Variants in PPP1R36 observed in about 807,000 individuals in gnomAD.
PPP1R36 encodes chromosome 14 open reading frame 50.
PPP1R36 carries 47 observed loss-of-function variants against 53.4 expected under a neutral mutation model. The observed-to-expected ratio is 0.88, with a 90% confidence interval of 0.70 to 1.12. The LOEUF is 1.12. Ranked by LOEUF, PPP1R36 falls within the 50% of genes most tolerant of loss-of-function variation. The pLI is 0.00. For synonymous variants in PPP1R36, 153 were observed against 170.5 expected, an observed-to-expected ratio of 0.90 and a Z score of 0.80; for missense variants, 456 against 513.9, an observed-to-expected ratio of 0.89 and a Z score of 1.09.
chr14:64,587,042 A>G (rs1178860264), intron 9 of PPP1R36, 152 bp from the exon 10 acceptor site: 4 of 799,894 alleles, frequency 5.0e-6, no homozygotes, highest in Non-Finnish European at 7.9e-6. Flanking sequence ...TCCTCATGCA[A>G]AAGTGAGTAT....
intron 8 of PPP1R36, among the ~76,000 whole-genome samples, chr14:64,578,005 G>A (rs189045794): frequency 1.5e-4 from 22 of 146,114 alleles, no homozygotes; most frequent in African/African-American, 2.5e-4. Context: ...GATTACAGGC[G>A]TGAACCACTG....
At chr14:64,553,823 T>TA (rs11441855) in intron 3 of PPP1R36, among the ~76,000 whole-genome samples, 20,631 of 82,474 alleles carry the variant, frequency 0.25, 1,818 homozygotes, top group African/African-American at 0.34. Flanking sequence ...AAGTTATAAC[T>TA]AAAAAAAAAA....
At position 64,552,847 on chromosome 14, in the gene PPP1R36, G is replaced by A; in HGVS notation, c.168G>A (p.Leu56=). ...FAAEDSVQWL[L]KHHPHFTPAA... ...CAGAAGATTCTGTCCAGTGGCTCCT[G>A]AAACATCACCCTCAGTGAGTGTGAG... The change falls in exon 3 of 12, where the codon CTG becomes CTA. Residue 56 remains leucine, a synonymous_variant. Transcript: ENST00000298705. The A allele has an allele frequency of 6.2e-7, 1 of 1,613,786 alleles. No individual in the cohort carries two copies. The highest frequency in any genetic ancestry group is 8.5e-7 in the Non-Finnish European group (1 of 1,179,710).
Position 64,568,452 on chromosome 14 carries a change from G to T in PPP1R36, c.533+5G>T. ...GAAACCCAAAAGCTATATGGTGTAA[G>T]TAAGATTTTATAGTGTGCTTTAGAG... On this transcript the variant is annotated splice_donor_5th_base_variant and intron_variant, in intron 7 of 11. Transcript: ENST00000298705. 1.4e-6 allele frequency: 2 copies of T among 1,399,040 alleles called. No homozygotes were observed. Among genetic ancestry groups the T allele is most frequent in the Non-Finnish European group, 2.0e-6 (2 of 1,012,666 alleles). The allele number at this position is 1,399,040 out of a possible 1,614,324, so 86.7% of individuals were successfully genotyped here. A position where few individuals can be genotyped will look rare whatever the true frequency, so the allele number is the denominator to read the frequency against.
intron 3 of PPP1R36, among the ~76,000 whole-genome samples, chr14:64,561,307 C>T (rs2080203817): frequency 6.6e-6 from 1 of 152,212 alleles, no homozygotes; most frequent in South Asian, 2.1e-4. Context: ...TCAAATGAAA[C>T]AGGAAATCTT....
chr14:64,565,088 G>A (rs1459923752), intron 4 of PPP1R36, among the ~76,000 whole-genome samples: 2 of 152,108 alleles, frequency 1.3e-5, no homozygotes, highest in African/African-American at 4.8e-5. Context: ...AAAATGATAG[G>A]TACACCAGAA....
intron 3 of PPP1R36, chr14:64,561,851 C>T (rs762805470): frequency 1.3e-5 from 6 of 455,876 alleles, no homozygotes; most frequent in Admixed American, 2.4e-5. Context: ...AGGTCATGGA[C>T]TCCCCTGAGG....
At chr14:64,554,782 T>A (rs2080134043) in intron 3 of PPP1R36, among the ~76,000 whole-genome samples, 1 of 152,052 alleles carries the variant, frequency 6.6e-6, no homozygotes, top group Non-Finnish European at 1.5e-5. Context: ...AGGACCCAGA[T>A]GAGCTCTGGC....
At chr14:64,583,073 A>ATTT (rs1255357344) in intron 8 of PPP1R36, among the ~76,000 whole-genome samples, 13,018 of 135,390 alleles carry the variant, frequency 0.096, 725 homozygotes, top group Non-Finnish European at 0.14. Context: ...ATATATATAT[A>ATTT]TATTTTTTTT....
intron 8 of PPP1R36, among the ~76,000 whole-genome samples, chr14:64,578,746 C>A (rs1349944761): frequency 6.6e-6 from 1 of 152,196 alleles, no homozygotes; most frequent in Non-Finnish European, 1.5e-5. Flanking sequence ...ACCCAGCATT[C>A]CCATTACTGG....
intron 7 of PPP1R36, 87 bp downstream of exon 7, chr14:64,568,534 ATTTTTAAATC>A (rs2140233223): frequency 1.7e-6 from 1 of 586,200 alleles, no homozygotes; most frequent in East Asian, 2.9e-5. Flanking sequence ...GATGATGGAA[ATTTTTAAATC>A]TTTGAGATGT....
At chr14:64,560,454 A>AG (rs2080197712) in intron 3 of PPP1R36, among the ~76,000 whole-genome samples, 1 of 151,664 alleles carries the variant, frequency 6.6e-6, no homozygotes, top group Non-Finnish European at 1.5e-5. Context: ...AAAAAAAAAA[A>AG]AAAGAAAGAT....
rs752698011 is a variant in PPP1R36 at position 64,550,933 on chromosome 14, C to A, written c.82C>A (p.Arg28=). Residue 28 remains arginine, a synonymous_variant, in exon 2 of 12, where the codon CGA becomes AGA. Coordinates refer to ENST00000298705, the MANE Select transcript of PPP1R36 (RefSeq NM_172365.3). ...TTTCGTTTTACAGCAGTTGGGATTA[C>A]GATTAGGGATGTGGTACTGGAAAGA... The part of the protein sequence containing the change: ...TPYLMDQLGL[R]LGMWYWKDET... 1 of 1,607,696 alleles carries A rather than the reference C, an allele frequency of 6.2e-7. No individual in the cohort carries two copies. Among genetic ancestry groups the A allele is most frequent in the South Asian group, 1.1e-5 (1 of 89,652 alleles).
In PPP1R36 at chr14:64,550,287, GTAGT is replaced by G; in HGVS notation, c.69+225_69+228del. 3.7e-6 allele frequency: 5 copies of G among 1,360,252 alleles called. No individual in the cohort carries two copies. In the South Asian group the frequency reaches 5.3e-5, roughly 14 times the overall value. 84.3% of individuals were successfully genotyped at this position (1,360,252 alleles called of 1,614,324 possible). A position where few individuals can be genotyped will look rare whatever the true frequency, so the allele number is the denominator to read the frequency against. ...AATTGAATTCTGGCTCCCTGCGCAG[GTAGT>G]TAGATATTTACGAAATCCCACCTCA... is the stretch of plus-strand genomic sequence containing the variant. On this transcript the variant is annotated intron_variant, in intron 1 of 11. Transcript: ENST00000298705.
intron 8 of PPP1R36, among the ~76,000 whole-genome samples, chr14:64,578,609 C>G (rs2080361944): frequency 6.6e-6 from 1 of 152,150 alleles, no homozygotes; most frequent in Non-Finnish European, 1.5e-5. Flanking sequence ...CAAAAAATAA[C>G]AGATGCTGGC....
At chr14:64,584,222 TA>T (rs1312106432) in intron 8 of PPP1R36, among the ~76,000 whole-genome samples, 1 of 152,048 alleles carries the variant, frequency 6.6e-6, no homozygotes, top group Non-Finnish European at 1.5e-5. Flanking sequence ...TTCTAATGTC[TA>T]AAAAAAGAAC....
intron 3 of PPP1R36, among the ~76,000 whole-genome samples, chr14:64,558,911 C>T (rs890807725): frequency 9.2e-5 from 14 of 152,048 alleles, no homozygotes; most frequent in Non-Finnish European, 1.8e-4. Context: ...GCTGGGATTA[C>T]AGGTGTGAGC....
At chr14:64,561,663 GCATGCCCATTTCTTATT>G in intron 3 of PPP1R36, 1 of 399,754 alleles carries the variant, frequency 2.5e-6, no homozygotes, top group Non-Finnish European at 5.0e-6. Flanking sequence ...TCATCAGCAT[GCATGCCCATTTCTTATT>G]TGGTAAAGAG....
chr14:64,562,200 C>T (rs1457973302), intron 3 of PPP1R36, among the ~76,000 whole-genome samples: 1 of 152,122 alleles, frequency 6.6e-6, no homozygotes, highest in African/African-American at 2.4e-5. Context: ...GTGGCCCACA[C>T]CTGTAATCCT....
Sources: gnomAD v4.1 joint callset for allele counts (sites outside exome capture counted in the v4.1 genomes callset) on GRCh38, gnomAD v4.1.1 for gene constraint, MANE v1.5 for transcripts, NCBI Gene and HGNC (gene_info 2026-07-23, HGNC 2026-07-21) for gene names.